USP35: variants seen among roughly 807,000 people sequenced by gnomAD.
The protein encoded by USP35 is ubiquitin carboxyl-terminal hydrolase 35.
A neutral mutation model predicts 83.8 loss-of-function variants in USP35; 69 were observed. The ratio of observed to expected loss-of-function variants is 0.82; its 90% confidence interval spans 0.68 to 1.01. USP35 has a LOEUF of 1.01. Among genes scored for constraint, USP35 ranks in the 50% least tolerant of loss-of-function variants. USP35 has a pLI of 0.00. For synonymous variants in USP35, 714 were observed against 589.5 expected, an observed-to-expected ratio of 1.21 and a Z score of -3.06; for missense variants, 1,503 against 1,362.5, an observed-to-expected ratio of 1.10 and a Z score of -1.62.
rs552018728 is a variant in USP35 at position 78,212,453 on chromosome 11, G to T, written c.2890-1193G>T. ...TTGGCTCCGTATGAATTTTAAAATA[G>T]TTTTTTCTAATTCTGTGAATGTGAA... On this transcript the variant is annotated intron_variant, in intron 10 of 10. Coordinates refer to ENST00000529308, the MANE Select transcript of USP35 (RefSeq NM_020798.4). Among the ~76,000 whole-genome samples, 113 of 152,076 alleles carry T rather than the reference G, an allele frequency of 7.4e-4. 1 individual carries two copies. The East Asian group carries it at 0.021, about 28-fold the overall frequency.
the USP35 span, chr11:78,221,765 G>C: frequency 1.2e-6 from 2 of 1,612,952 alleles, no homozygotes; most frequent in Non-Finnish European, 1.7e-6. Flanking sequence ...GGAGGAGCTG[G>C]AGTTGAAGGT....
At chr11:78,231,336 G>GGTGTGTGTGTGTGTGTGTGTGT in the USP35 span, among the ~76,000 whole-genome samples, 209 of 145,894 alleles carry the variant, frequency 1.4e-3, 2 homozygotes, top group Middle Eastern at 7.0e-3. Context: ...GCGCGTGTGT[G>GGTGTGTGTGTGTGTGTGTGTGT]GTGTGTGTGT....
At chr11:78,206,775 G>A (rs1183265025) in intron 7 of USP35, among the ~76,000 whole-genome samples, 2 of 152,232 alleles carry the variant, frequency 1.3e-5, no homozygotes, top group Non-Finnish European at 2.9e-5. Context: ...TGCTCGCTCA[G>A]CTTCTGAACT....
At chr11:78,233,191 C>T in the USP35 span, among the ~76,000 whole-genome samples, 1 of 152,030 alleles carries the variant, frequency 6.6e-6, no homozygotes, top group African/African-American at 2.4e-5. Context: ...AGGCATGTGC[C>T]ACCATGCCTG....
At chr11:78,211,355 G>C (rs1281343800) in intron 10 of USP35, among the ~76,000 whole-genome samples, 2 of 152,116 alleles carry the variant, frequency 1.3e-5, no homozygotes, top group Admixed American at 6.5e-5. Flanking sequence ...GTCTATCATT[G>C]ATGGGCATTT....
intron 1 of USP35, among the ~76,000 whole-genome samples, chr11:78,192,875 C>T (rs1382060344): frequency 6.6e-6 from 1 of 152,176 alleles, no homozygotes; most frequent in African/African-American, 2.4e-5. Context: ...CATTCCTAGT[C>T]TGATACTCTT....
At chr11:78,232,887 T>C in the USP35 span, among the ~76,000 whole-genome samples, 104 of 152,180 alleles carry the variant, frequency 6.8e-4, no homozygotes, top group Non-Finnish European at 1.2e-3. Flanking sequence ...CAGGATTACT[T>C]TGGAGATCAT....
chr11:78,212,799 G>A lies in USP35; in HGVS notation c.2890-847G>A, dbSNP rs145183864. 4.5e-3 allele frequency among the ~76,000 whole-genome samples: 689 copies of A among 152,210 alleles called. 3 individuals are homozygous for A. The highest frequency in any genetic ancestry group is 0.016 in the African/African-American group (653 of 41,522). On this transcript the variant is annotated intron_variant, in intron 10 of 10. Transcript: ENST00000529308. ...ACAGCTTAAGAAGCTCCTGGGATGA[G>A]ATAATGACATGATTCTGTATCATCT...
chr11:78,201,577 GAAGA>G (rs1463432773), intron 6 of USP35, among the ~76,000 whole-genome samples: 1 of 152,234 alleles, frequency 6.6e-6, no homozygotes, highest in East Asian at 1.9e-4. Flanking sequence ...AGGCCTCTAA[GAAGA>G]AAGAGTTTCT....
chr11:78,221,843 C>G, the USP35 span: 3 of 1,148,650 alleles, frequency 2.6e-6, no homozygotes, highest in Admixed American at 1.8e-5. Context: ...TTTCTAGCCT[C>G]CAGCTGGGCC....
At chr11:78,211,063 C>T (rs1472014941) in intron 10 of USP35, among the ~76,000 whole-genome samples, 1 of 152,152 alleles carries the variant, frequency 6.6e-6, no homozygotes. Context: ...AACCCTGTAT[C>T]TGTTAGCTAT....
chr11:78,220,380 G>A, the USP35 span: 5 of 1,612,664 alleles, frequency 3.1e-6, no homozygotes, highest in Non-Finnish European at 4.2e-6. Flanking sequence ...AACGCTGCCG[G>A]TGCTCTTCTT....
At chr11:78,203,829 C>T (rs1863438459) in intron 6 of USP35, among the ~76,000 whole-genome samples, 1 of 150,748 alleles carries the variant, frequency 6.6e-6, no homozygotes, top group Non-Finnish European at 1.5e-5. Flanking sequence ...CCAGCCATCT[C>T]GACTTCCCAA....
intron 6 of USP35, 29 bp downstream of exon 6, chr11:78,200,837 G>T: frequency 6.4e-7 from 1 of 1,569,958 alleles, no homozygotes; most frequent in Middle Eastern, 1.7e-4. Flanking sequence ...CTTGGGCCTT[G>T]CCCCACTCTG....
chr11:78,209,483 G>T lies in USP35; in HGVS notation c.1628G>T (p.Cys543Phe). ...HEEEKTGTRICQKLKQSSSPS... is the reference protein window; with the variant it reads ...HEEEKTGTRIFQKLKQSSSPS... ...GAGGAGAAAACGGGCACAAGGATCT[G>T]CCAGAAACTCAAGCAGTCCAGCTCG... The change falls in exon 10 of 11, where the codon TGC (cysteine) becomes TTC (phenylalanine). Residue 543 changes from cysteine to phenylalanine, a missense_variant. By Grantham distance (205) the Cys-to-Phe change is radical. Coordinates refer to ENST00000529308, the MANE Select transcript of USP35 (RefSeq NM_020798.4). 2 of 1,612,260 alleles carry T rather than the reference G, an allele frequency of 1.2e-6. No individual in the cohort carries two copies. Among genetic ancestry groups the T allele is most frequent in the East Asian group, 2.2e-5 (1 of 44,864 alleles).
At chr11:78,221,985 C>T in the USP35 span, 1 of 745,866 alleles carries the variant, frequency 1.3e-6, no homozygotes, top group Non-Finnish European at 2.4e-6. Flanking sequence ...GAGACATGAT[C>T]AGCTAATGAT....
chr11:78,214,054 G>C lies in USP35; in HGVS notation c.*241G>C, dbSNP rs372651017. The C allele has an allele frequency of 2.6e-5, 11 of 416,652 alleles. No individual in the cohort carries two copies. Among genetic ancestry groups the C allele is most frequent in the Non-Finnish European group, 4.6e-5 (11 of 240,484 alleles). 25.8% of individuals were successfully genotyped at this position (416,652 alleles called of 1,614,324 possible). A position where few individuals can be genotyped will look rare whatever the true frequency, so the allele number is the denominator to read the frequency against. ...GTGTCCTGGTTAACTTGAAGCAGCC[G>C]AGATGGGCACACACGGGTCTTTGCC... On this transcript the variant is annotated 3_prime_UTR_variant, in exon 11 of 11. Transcript: ENST00000529308.
intron 6 of USP35, among the ~76,000 whole-genome samples, chr11:78,205,015 A>G (rs2511189): frequency 0.25 from 38,692 of 152,126 alleles, 5,580 homozygotes; most frequent in East Asian, 0.42. Flanking sequence ...CAGGGCTAGA[A>G]GAACTGTTAG....
chr11:78,219,047 T>C, downstream of USP35: 1 of 538,698 alleles, frequency 1.9e-6, no homozygotes, highest in South Asian at 2.7e-5. Context: ...TGGCCATTAC[T>C]GATAAAAATC....
Sources: allele counts gnomAD v4.1 joint callset (sites outside exome capture counted in the v4.1 genomes callset), GRCh38; gene constraint gnomAD v4.1.1; transcripts MANE v1.5; gene names NCBI Gene and HGNC (gene_info 2026-07-23, HGNC 2026-07-21).